PGM5: variants seen among roughly 807,000 people sequenced by gnomAD.
PGM5 encodes phosphoglucomutase-like protein 5.
In PGM5, 23 loss-of-function variants were observed where a neutral mutation model predicts 59.2. The observed-to-expected ratio is 0.39, with a 90% CI of 0.28 to 0.55. The LOEUF is 0.55. PGM5 is among the 20% of genes least tolerant of loss of function. The probability of loss-of-function intolerance (pLI) is 0.66; values close to 1 mark genes in which losing one functional copy is unlikely to be tolerated. For synonymous variants in PGM5, 214 were observed against 286.0 expected (o/e 0.75, Z 2.54); for missense variants, 574 against 748.3 (o/e 0.77, Z 2.72).
intron 1 of PGM5, among the ~76,000 whole-genome samples, chr9:68,370,411 A>G (rs1189539701): frequency 6.6e-6 from 1 of 152,150 alleles, no homozygotes; most frequent in Non-Finnish European, 1.5e-5. Flanking sequence ...TAGAGTCAAC[A>G]TTCTGCACCT....
chr9:68,504,622 C>T (rs895832703), intron 10 of PGM5, among the ~76,000 whole-genome samples: 1 of 152,138 alleles, frequency 6.6e-6, no homozygotes, highest in African/African-American at 2.4e-5. Context: ...GTGTCCCTGG[C>T]CACCTAATAT....
At chr9:68,373,823 A>T (rs1207599466) in intron 1 of PGM5, among the ~76,000 whole-genome samples, 1 of 152,286 alleles carries the variant, frequency 6.6e-6, no homozygotes, top group East Asian at 1.9e-4. Flanking sequence ...TGGGATGGGG[A>T]CCCAGTTTCC....
intron 10 of PGM5, among the ~76,000 whole-genome samples, chr9:68,505,978 C>T (rs1300785121): frequency 6.6e-6 from 1 of 152,108 alleles, no homozygotes; most frequent in African/African-American, 2.4e-5. Flanking sequence ...TCTGCTGTGG[C>T]TGAAATAATA....
At chr9:68,499,134 A>G (rs969506591) in intron 9 of PGM5, 93 bp from the exon 10 acceptor site, 4 of 1,381,042 alleles carry the variant, frequency 2.9e-6, no homozygotes, top group Admixed American at 3.5e-5. Flanking sequence ...GTGTTGAGGT[A>G]TAAAAACATG....
At chr9:68,455,964 T>C (rs1402428962) in intron 6 of PGM5, among the ~76,000 whole-genome samples, 1 of 152,216 alleles carries the variant, frequency 6.6e-6, no homozygotes, top group Non-Finnish European at 1.5e-5. Flanking sequence ...CTATGGCTGT[T>C]TGTCGCTGTA....
intron 6 of PGM5, among the ~76,000 whole-genome samples, chr9:68,454,497 A>T (rs1188123144): frequency 6.6e-6 from 1 of 152,166 alleles, no homozygotes; most frequent in Non-Finnish European, 1.5e-5. Context: ...ATAGTTTGTT[A>T]TGGCAGGATG....
intron 7 of PGM5, among the ~76,000 whole-genome samples, chr9:68,466,983 T>A (rs1823945028): frequency 6.6e-6 from 1 of 152,164 alleles, no homozygotes; most frequent in African/African-American, 2.4e-5. Context: ...ATAGATCTCT[T>A]TCTGGACCTG....
chr9:68,403,279 T>A (rs1199727151), intron 6 of PGM5, among the ~76,000 whole-genome samples: 1 of 152,100 alleles, frequency 6.6e-6, no homozygotes, highest in African/African-American at 2.4e-5. Context: ...TCTCCCATCA[T>A]CTCCAGATGG....
intron 1 of PGM5, among the ~76,000 whole-genome samples, chr9:68,362,324 C>CT (rs1339705474): frequency 6.6e-6 from 1 of 152,122 alleles, no homozygotes; most frequent in African/African-American, 2.4e-5. Flanking sequence ...CTCACTTTTG[C>CT]TTTTTTGAAT....
intron 6 of PGM5, among the ~76,000 whole-genome samples, chr9:68,461,836 A>G (rs2132077150): frequency 6.6e-6 from 1 of 152,118 alleles, no homozygotes; most frequent in Non-Finnish European, 1.5e-5. Context: ...CATTTAAGGT[A>G]GGTCTTCAGG....
chr9:68,465,584 A>G (rs1823921197), intron 7 of PGM5, among the ~76,000 whole-genome samples: 1 of 152,086 alleles, frequency 6.6e-6, no homozygotes, highest in South Asian at 2.1e-4. Context: ...TTGTGAAGCA[A>G]TCCTCTGTAG....
chr9:68,520,069 G>A (rs1824877626), intron 10 of PGM5, among the ~76,000 whole-genome samples: 1 of 134,230 alleles, frequency 7.4e-6, no homozygotes, highest in Non-Finnish European at 1.6e-5. Flanking sequence ...CAGCTTGAGT[G>A]ACAGAGTGAG....
chr9:68,494,814 T>C (rs976834642), intron 9 of PGM5, among the ~76,000 whole-genome samples: 1 of 152,192 alleles, frequency 6.6e-6, no homozygotes, highest in Admixed American at 6.5e-5. Flanking sequence ...ACTTTCTTAG[T>C]TTATCTTTTG....
chr9:68,389,567 G>A (rs1822314167), intron 4 of PGM5, among the ~76,000 whole-genome samples: 5 of 152,134 alleles, frequency 3.3e-5, no homozygotes, highest in African/African-American at 7.2e-5. Flanking sequence ...GGTGTTGCAT[G>A]TATCAGTAGT....
rs1433136130 is a variant in PGM5, at chr9:68,437,197, A to G, written c.1044-27896A>G. 2.0e-5 allele frequency among the ~76,000 whole-genome samples: 3 copies of G among 152,236 alleles called. No homozygotes were observed. Among genetic ancestry groups the G allele is most frequent in the African/African-American group, 7.2e-5 (3 of 41,464 alleles). On this transcript the variant is annotated intron_variant, in intron 6 of 10. Transcript: ENST00000396396. The surrounding 1 kb of genome is among the most constrained non-coding windows in gnomAD (Gnocchi z 4.1). ...CATACCTGTCAGTGACATGCAAATT[A>G]AAAATTCTTGGCAACATAGATTAAT... is the stretch of plus-strand genomic sequence containing the variant.
At chr9:68,480,433 G>T (rs1418552808) in intron 8 of PGM5, among the ~76,000 whole-genome samples, 1 of 152,122 alleles carries the variant, frequency 6.6e-6, no homozygotes, top group Non-Finnish European at 1.5e-5. Flanking sequence ...GGCCAGGTGT[G>T]GTGGCTCACG....
chr9:68,489,774 C>T (rs1251622948), intron 9 of PGM5, among the ~76,000 whole-genome samples: 1 of 152,168 alleles, frequency 6.6e-6, no homozygotes, highest in Non-Finnish European at 1.5e-5. Flanking sequence ...TGAAACTCTT[C>T]CAGTGCTGAA....
intron 9 of PGM5, among the ~76,000 whole-genome samples, chr9:68,485,589 T>G (rs1226416876): frequency 6.6e-6 from 1 of 152,162 alleles, no homozygotes; most frequent in Non-Finnish European, 1.5e-5. Context: ...AAACCTCTTT[T>G]CCGCTATAAA....
intron 10 of PGM5, among the ~76,000 whole-genome samples, chr9:68,525,344 CAA>C (rs1245605228): frequency 6.6e-6 from 1 of 152,138 alleles, no homozygotes; most frequent in African/African-American, 2.4e-5. Context: ...CTGAATAAGA[CAA>C]AGTTTCTGCC....
Sources: gnomAD v4.1 joint callset for allele counts (sites outside exome capture counted in the v4.1 genomes callset) on GRCh38, gnomAD v4.1.1 for gene constraint, Gnocchi (gnomAD v3.1) non-coding constraint, MANE v1.5 for transcripts, NCBI Gene and HGNC (gene_info 2026-07-23, HGNC 2026-07-21) for gene names.